BTG4: variants seen among roughly 807,000 people sequenced by gnomAD.
BTG4 encodes the protein BTG anti-proliferation factor 4, also known as protein BTG4.
Under a neutral mutation model 19.3 loss-of-function variants are expected in BTG4, and 10 were observed. The observed-to-expected ratio is 0.52, with a 90% CI of 0.32 to 0.88. BTG4 has a LOEUF of 0.88. Ranked by LOEUF, BTG4 falls within the 40% of genes least tolerant of loss-of-function variation. BTG4 has a pLI of 0.04. For synonymous variants in BTG4, 91 were observed against 95.7 expected, an observed-to-expected ratio of 0.95 and a Z score of 0.29; for missense variants, 238 against 281.9, an observed-to-expected ratio of 0.84 and a Z score of 1.11.
intron 1 of BTG4, among the ~76,000 whole-genome samples, chr11:111,504,657 T>C (rs1195528298): frequency 1.3e-5 from 2 of 152,008 alleles, no homozygotes; most frequent in African/African-American, 4.8e-5. Flanking sequence ...GGCATCTGAA[T>C]TGGAAAAGTA....
the BTG4 span, among the ~76,000 whole-genome samples, chr11:111,426,867 T>C: frequency 5.9e-5 from 9 of 152,206 alleles, no homozygotes; most frequent in African/African-American, 1.9e-4. Flanking sequence ...TCAAAGTGTA[T>C]GTGCCTTAGC....
intron 5 of BTG4, among the ~76,000 whole-genome samples, chr11:111,482,293 A>T (rs1864788279): frequency 6.6e-6 from 1 of 152,120 alleles, no homozygotes; most frequent in South Asian, 2.1e-4. Context: ...TATAACACAC[A>T]CACACGAAGA....
chr11:111,514,475 A>G, upstream of BTG4: 2 of 366,992 alleles, frequency 5.4e-6, no homozygotes, highest in Non-Finnish European at 5.1e-6. Context: ...TTCTGGGGGG[A>G]GGGGAGAGGA....
chr11:111,464,867 C>T (rs573135340), downstream of BTG4, among the ~76,000 whole-genome samples: 12 of 152,222 alleles, frequency 7.9e-5, no homozygotes, highest in South Asian at 4.2e-4. Flanking sequence ...TCAAAGTACC[C>T]TTATAACTAT....
chr11:111,427,604 T>C, the BTG4 span, among the ~76,000 whole-genome samples: 5 of 152,084 alleles, frequency 3.3e-5, no homozygotes, highest in African/African-American at 1.2e-4. Flanking sequence ...AGCTGTGACC[T>C]GAGAAACGTG....
At chr11:111,506,119 A>G (rs921244152) in intron 1 of BTG4, among the ~76,000 whole-genome samples, 1 of 152,156 alleles carries the variant, frequency 6.6e-6, no homozygotes, top group African/African-American at 2.4e-5. Context: ...CAATCCCACT[A>G]CTGGGTATCT....
chr11:111,491,524 G>C (rs1037827956), downstream of BTG4, among the ~76,000 whole-genome samples: 1 of 152,014 alleles, frequency 6.6e-6, no homozygotes, highest in Non-Finnish European at 1.5e-5. Context: ...GAAGCGGGAG[G>C]ATCCCTTGAG....
the BTG4 span, among the ~76,000 whole-genome samples, chr11:111,426,931 T>C: frequency 1.3e-5 from 2 of 152,200 alleles, no homozygotes; most frequent in African/African-American, 4.8e-5. Flanking sequence ...TCAGAACATT[T>C]CTCAGTCTTT....
At chr11:111,454,939 C>T in the BTG4 span, 2 of 455,218 alleles carry the variant, frequency 4.4e-6, no homozygotes, top group Non-Finnish European at 8.8e-6. Flanking sequence ...AGTTCACACA[C>T]ACTCAATCCA....
the BTG4 span, among the ~76,000 whole-genome samples, chr11:111,442,957 A>C: frequency 6.6e-6 from 1 of 152,228 alleles, no homozygotes; most frequent in East Asian, 1.9e-4. Context: ...ATTTTCTTCC[A>C]ATGAGCATAG....
At chr11:111,446,031 A>T in the BTG4 span, among the ~76,000 whole-genome samples, 4 of 152,218 alleles carry the variant, frequency 2.6e-5, no homozygotes, top group Non-Finnish European at 5.9e-5. Context: ...GCTAATGGCC[A>T]TGATTATAAT....
At chr11:111,412,656 G>C in the BTG4 span, among the ~76,000 whole-genome samples, 3 of 152,024 alleles carry the variant, frequency 2.0e-5, no homozygotes. Flanking sequence ...GTCTTACGAG[G>C]TTGGTACCTT....
intron 1 of BTG4, among the ~76,000 whole-genome samples, chr11:111,510,658 C>G (rs1382473589): frequency 5.3e-5 from 8 of 151,046 alleles, no homozygotes; most frequent in Admixed American, 4.0e-4. Context: ...TTCAACAGAA[C>G]TAGGCCACAC....
chr11:111,507,371 G>A (rs1385065968), intron 1 of BTG4, among the ~76,000 whole-genome samples: 1 of 151,780 alleles, frequency 6.6e-6, no homozygotes, highest in East Asian at 1.9e-4. Flanking sequence ...TTTGTTTTTT[G>A]TTTTTTTGTT....
the BTG4 span, among the ~76,000 whole-genome samples, chr11:111,421,468 G>T: frequency 2.0e-5 from 3 of 152,214 alleles, no homozygotes; most frequent in Non-Finnish European, 4.4e-5. Flanking sequence ...AGGTTTGCAC[G>T]TGTGTTTCCC....
chr11:111,480,285 A>T (rs569500871), intron 5 of BTG4, among the ~76,000 whole-genome samples: 1 of 152,212 alleles, frequency 6.6e-6, no homozygotes, highest in Non-Finnish European at 1.5e-5. Flanking sequence ...TACCAAGAAT[A>T]CATAGCAGTC....
the BTG4 span, among the ~76,000 whole-genome samples, chr11:111,408,756 C>T: frequency 2.1e-4 from 32 of 152,338 alleles, no homozygotes; most frequent in East Asian, 6.2e-3. Context: ...CATCGTGCAC[C>T]TATTCACCTA....
intron 1 of BTG4, among the ~76,000 whole-genome samples, chr11:111,504,105 C>G (rs529845173): frequency 6.6e-6 from 1 of 152,050 alleles, no homozygotes; most frequent in African/African-American, 2.4e-5. Context: ...TAGTCTCACC[C>G]CTCCATTCAC....
At chr11:111,477,741 T>C (rs1338741868) in intron 5 of BTG4, among the ~76,000 whole-genome samples, 2 of 151,978 alleles carry the variant, frequency 1.3e-5, no homozygotes, top group Non-Finnish European at 2.9e-5. Context: ...TAAATACCAA[T>C]GGTAACCAAC....
Sources: gnomAD v4.1 joint callset for allele counts (sites outside exome capture counted in the v4.1 genomes callset) on GRCh38, gnomAD v4.1.1 for gene constraint, MANE v1.5 for transcripts, NCBI Gene and HGNC (gene_info 2026-07-23, HGNC 2026-07-21) for gene names.